The following EIF4G3 variants were observed in gnomAD, a reference collection of about 807,000 sequenced individuals.
EIF4G3 encodes eIF-4-gamma 3.
In EIF4G3, 34 loss-of-function variants were observed where a neutral mutation model predicts 186.4. The ratio of observed to expected loss-of-function variants is 0.18; its 90% CI spans 0.14 to 0.24. The LOEUF is 0.24. Ranked by LOEUF, EIF4G3 falls within the 10% of genes least tolerant of loss-of-function variation. EIF4G3 has a pLI of 1.00. For synonymous variants in EIF4G3, 673 were observed against 679.5 expected (o/e 0.99, Z 0.15); for missense variants, 1,536 against 1,948.5 (o/e 0.79, Z 3.99).
intron 3 of EIF4G3, among the ~76,000 whole-genome samples, chr1:21,074,233 C>T (rs1460146322): frequency 6.6e-6 from 1 of 152,120 alleles, no homozygotes; most frequent in African/African-American, 2.4e-5. Context: ...ACTTACCTGG[C>T]CTCTACCCAC....
At chr1:21,144,551 C>T (rs758786217) in intron 2 of EIF4G3, among the ~76,000 whole-genome samples, 6 of 152,050 alleles carry the variant, frequency 3.9e-5, no homozygotes, top group Admixed American at 1.3e-4. Flanking sequence ...GCCACTGGTT[C>T]CTGACCCTGC....
chr1:20,951,028 G>A (rs2096193071), intron 12 of EIF4G3, among the ~76,000 whole-genome samples: 1 of 151,898 alleles, frequency 6.6e-6, no homozygotes. Context: ...TTCTATCAGT[G>A]CTATCAGAGT....
chr1:21,111,381 T>C (rs2096722948), intron 2 of EIF4G3: 1 of 471,642 alleles, frequency 2.1e-6, no homozygotes, highest in South Asian at 1.5e-5. Context: ...CTCTGTGGGA[T>C]TGCTGGAAAG....
chr1:20,982,418 T>C lies in EIF4G3; in HGVS notation c.178-10A>G, dbSNP rs987751138. On this transcript the variant is annotated splice_polypyrimidine_tract_variant and intron_variant, in intron 7 of 36. Transcript: ENST00000602326. ...TAGGTCTGAATCCTCCCTTCAAATATGAAGCAAGAAAGCAGCAGGAAACAG... is the reference window on the plus strand; with the variant it reads ...TAGGTCTGAATCCTCCCTTCAAATACGAAGCAAGAAAGCAGCAGGAAACAG... 3 of 1,525,706 alleles carry C rather than the reference T, an allele frequency of 2.0e-6. No individual in the cohort carries two copies. Among genetic ancestry groups the C allele is most frequent in the South Asian group, 1.2e-5 (1 of 82,308 alleles). The allele number at this position is 1,525,706 out of a possible 1,614,324, so 94.5% of individuals were successfully genotyped here.
intron 7 of EIF4G3, among the ~76,000 whole-genome samples, chr1:20,984,571 CACACACACACACAT>C (rs2079022322): frequency 1.4e-5 from 2 of 147,078 alleles, no homozygotes; most frequent in Admixed American, 1.4e-4. Flanking sequence ...CACACACACA[CACACACACACACAT>C]ATATACACTT....
intron 18 of EIF4G3, chr1:20,893,124 G>C (rs1219616451): frequency 1.0e-5 from 2 of 191,710 alleles, no homozygotes; most frequent in African/African-American, 4.8e-5. Context: ...GTAGAGACAG[G>C]GTCTCTCTTT....
At chr1:20,978,604 A>C (rs1232573752) in intron 10 of EIF4G3, among the ~76,000 whole-genome samples, 2 of 151,314 alleles carry the variant, frequency 1.3e-5, no homozygotes, top group Non-Finnish European at 2.9e-5. Flanking sequence ...GATGTGAATC[A>C]TCCCTTTATC....
intron 14 of EIF4G3, 32 bp downstream of exon 14, chr1:20,941,459 G>C (rs2095710592): frequency 1.2e-6 from 2 of 1,605,732 alleles, no homozygotes; most frequent in African/African-American, 1.3e-5. Context: ...TTCATGTTCA[G>C]CAAGCACGAG....
intron 3 of EIF4G3, among the ~76,000 whole-genome samples, chr1:21,088,386 T>C (rs2096067047): frequency 6.6e-6 from 1 of 151,626 alleles, no homozygotes; most frequent in South Asian, 2.1e-4. Context: ...CACCGTTACA[T>C]TCCAGCCTGG....
At chr1:20,815,767 C>G (rs2060532825) in intron 34 of EIF4G3, among the ~76,000 whole-genome samples, 3 of 129,638 alleles carry the variant, frequency 2.3e-5, no homozygotes, top group Admixed American at 2.2e-4. Flanking sequence ...TTGCCCCGTC[C>G]AGGAGGGAGG....
chr1:20,835,241 G>A (rs953596722), intron 30 of EIF4G3, among the ~76,000 whole-genome samples: 1 of 151,960 alleles, frequency 6.6e-6, no homozygotes, highest in Non-Finnish European at 1.5e-5. Flanking sequence ...CTCCTAAGAG[G>A]GAAATGTATA....
chr1:20,991,437 T>C (rs1283899990), intron 7 of EIF4G3, among the ~76,000 whole-genome samples: 3 of 151,990 alleles, frequency 2.0e-5, no homozygotes, highest in Non-Finnish European at 4.4e-5. Flanking sequence ...GTGTGGTAGC[T>C]CACACCTGTA....
At chr1:20,942,956 C>A (rs1412867781) in intron 13 of EIF4G3, among the ~76,000 whole-genome samples, 1 of 152,042 alleles carries the variant, frequency 6.6e-6, no homozygotes, top group Admixed American at 6.6e-5. Flanking sequence ...AATTAATTTA[C>A]CCTTCAATTC....
chr1:20,926,087 A>G (rs577677114), intron 14 of EIF4G3, among the ~76,000 whole-genome samples: 1 of 152,332 alleles, frequency 6.6e-6, no homozygotes, highest in African/African-American at 2.4e-5. Context: ...TTATTTTAGT[A>G]AGAACTATTT....
At position 20,905,126 on chromosome 1, in the gene EIF4G3, T is replaced by C. The variant is rs148349618; in HGVS notation, c.1664-155A>G. Among the ~76,000 whole-genome samples the C allele has an allele frequency of 2.3e-3, 357 of 152,346 alleles. 2 individuals are homozygous for C. The highest frequency in any genetic ancestry group is 3.7e-3 in the Non-Finnish European group (250 of 68,030). On this transcript the variant is annotated intron_variant, in intron 14 of 36. Transcript: ENST00000602326. ...GCTGATCAAGTGAACAATTGTGTAG[T>C]AGCCCAGAGATTGCAACATCAAGTG...
chr1:20,999,200 G>A (rs751818821), intron 6 of EIF4G3, among the ~76,000 whole-genome samples: 1 of 152,234 alleles, frequency 6.6e-6, no homozygotes. Flanking sequence ...CTTGGGTTAT[G>A]TTAGGTCAGC....
At chr1:20,861,628 A>C (rs16824747) in intron 23 of EIF4G3, among the ~76,000 whole-genome samples, 4,994 of 152,276 alleles carry the variant, frequency 0.033, 157 homozygotes, top group East Asian at 0.12. Flanking sequence ...ACAAAGACTA[A>C]ATTTAATTGA....
intron 2 of EIF4G3, among the ~76,000 whole-genome samples, chr1:21,092,325 A>C (rs1450773200): frequency 6.6e-6 from 1 of 152,188 alleles, no homozygotes; most frequent in East Asian, 1.9e-4. Flanking sequence ...CCAGCCTTGC[A>C]TCCCAGTGAC....
chr1:20,874,179 G>A (rs554313273), intron 20 of EIF4G3, among the ~76,000 whole-genome samples: 16 of 152,266 alleles, frequency 1.1e-4, no homozygotes, highest in African/African-American at 3.9e-4. Context: ...ATAGTAGAAT[G>A]ATTTATATTC....
Sources: gnomAD v4.1 joint callset for allele counts (sites outside exome capture counted in the v4.1 genomes callset) on GRCh38, gnomAD v4.1.1 for gene constraint, MANE v1.5 for transcripts, NCBI Gene and HGNC (gene_info 2026-07-23, HGNC 2026-07-21) for gene names.